PDCD6IP: variants seen among roughly 807,000 people sequenced by gnomAD.
PDCD6IP encodes the protein programmed cell death 6-interacting protein.
A neutral mutation model predicts 103.7 loss-of-function variants in PDCD6IP; 43 were observed. The observed-to-expected ratio is 0.41, with a 90% CI of 0.32 to 0.53. PDCD6IP has a LOEUF of 0.53. Ranked by LOEUF, PDCD6IP falls within the 20% of genes least tolerant of loss-of-function variation. The probability of loss-of-function intolerance (pLI) is 0.16; values close to 1 mark genes in which losing one functional copy is unlikely to be tolerated. For missense variants in PDCD6IP, 871 were observed against 1,036.7 expected, an observed-to-expected ratio of 0.84 and a Z score of 2.20; for synonymous variants, 354 against 378.7, an observed-to-expected ratio of 0.93 and a Z score of 0.76.
At chr3:33,822,968 ATTAT>A (rs1192753736) in intron 4 of PDCD6IP, among the ~76,000 whole-genome samples, 2 of 151,964 alleles carry the variant, frequency 1.3e-5, no homozygotes, top group Non-Finnish European at 2.9e-5. Context: ...GCAGTTGTTT[ATTAT>A]TTATTCAGCT....
intron 2 of PDCD6IP, among the ~76,000 whole-genome samples, chr3:33,813,059 G>A (rs1010007787): frequency 6.6e-6 from 1 of 152,092 alleles, no homozygotes; most frequent in African/African-American, 2.4e-5. Context: ...ATATGGAAAA[G>A]TGAACAAATC....
chr3:33,803,950 G>A (rs901242779), intron 1 of PDCD6IP, among the ~76,000 whole-genome samples: 6 of 152,078 alleles, frequency 3.9e-5, no homozygotes, highest in African/African-American at 1.4e-4. Context: ...GTAAAATGAA[G>A]TTGATGGAAT....
At chr3:33,801,660 A>G (rs1209570455) in intron 1 of PDCD6IP, among the ~76,000 whole-genome samples, 1 of 152,216 alleles carries the variant, frequency 6.6e-6, no homozygotes, top group African/African-American at 2.4e-5. Context: ...AAACCCTTTT[A>G]TATGATACTT....
chr3:33,838,367 T>A, intron 9 of PDCD6IP, 40 bp downstream of exon 9: 1 of 1,545,706 alleles, frequency 6.5e-7, no homozygotes, highest in East Asian at 2.3e-5. Context: ...GTTTTCCGTT[T>A]GGTTGTTCTT....
intron 12 of PDCD6IP, among the ~76,000 whole-genome samples, chr3:33,848,858 C>G (rs1374958984): frequency 1.3e-5 from 2 of 152,038 alleles, no homozygotes; most frequent in Non-Finnish European, 2.9e-5. Flanking sequence ...ATGAGTTTTA[C>G]ATTTTTAAAA....
At position 33,864,110 on chromosome 3, in the gene PDCD6IP, C is replaced by T. The variant is rs1228604538; in HGVS notation, c.2225C>T (p.Pro742Leu). 6.2e-7 allele frequency: 1 copy of T among 1,604,062 alleles called. No individual in the cohort carries two copies. Among genetic ancestry groups the T allele is most frequent in the Admixed American group, 1.7e-5 (1 of 59,954 alleles). Reference protein sequence around the residue: ...AGGHAPTPPTPAPRTMPPTKP... With the variant: ...AGGHAPTPPTLAPRTMPPTKP... ...GGACATGCACCAACTCCTCCAACTC[C>T]AGCGCCAAGAACCATGCCGGTTAGT... Residue 742 changes from proline to leucine, a missense_variant, in exon 16 of 18, where the codon CCA (proline) becomes CTA (leucine). Physicochemically the swap from Pro to Leu is moderately conservative, Grantham distance 98. Transcript: ENST00000307296.
chr3:33,818,144 C>T (rs1475760229), intron 3 of PDCD6IP, among the ~76,000 whole-genome samples: 2 of 114,980 alleles, frequency 1.7e-5, no homozygotes, highest in Non-Finnish European at 3.2e-5. Context: ...TGCTCTGTTG[C>T]CCAGGGTGGA....
rs12495243 is a variant in PDCD6IP, at chr3:33,825,437, G to A, written c.616+97G>A. ...AATATAATATGTTCAATGTCGAGCT[G>A]TCCTTCTTGAACTTGATACATGAAT... On this transcript the variant is annotated intron_variant, in intron 5 of 17. Transcript: ENST00000307296. The A allele has an allele frequency of 3.7e-6, 4 of 1,074,254 alleles. No individual in the cohort carries two copies. In the Middle Eastern group the frequency reaches 8.0e-4, roughly 216 times the overall value. 66.5% of individuals were successfully genotyped at this position (1,074,254 alleles called of 1,614,324 possible).
chr3:33,861,597 G>A (rs1406891169), intron 15 of PDCD6IP, among the ~76,000 whole-genome samples: 2 of 152,184 alleles, frequency 1.3e-5, no homozygotes, highest in African/African-American at 4.8e-5. Flanking sequence ...CGAGGTCAAA[G>A]GATATGTGTG....
intron 1 of PDCD6IP, among the ~76,000 whole-genome samples, chr3:33,799,929 G>C (rs113518763): frequency 2.6e-5 from 4 of 151,830 alleles, no homozygotes; most frequent in Non-Finnish European, 4.4e-5. Flanking sequence ...CACCATCCTG[G>C]CTAGCACGGT....
At chr3:33,858,174 G>A (rs1697870474) in intron 15 of PDCD6IP, among the ~76,000 whole-genome samples, 1 of 152,104 alleles carries the variant, frequency 6.6e-6, no homozygotes, top group Non-Finnish European at 1.5e-5. Flanking sequence ...CCCACTTACA[G>A]TAGCAACAAA....
At chr3:33,863,799 T>C in intron 15 of PDCD6IP, 1 of 534,432 alleles carries the variant, frequency 1.9e-6, no homozygotes, top group Non-Finnish European at 3.3e-6. Flanking sequence ...TTGGATCATA[T>C]TGTAGATCTA....
chr3:33,804,461 A>G (rs993213192), intron 1 of PDCD6IP, among the ~76,000 whole-genome samples: 1 of 152,254 alleles, frequency 6.6e-6, no homozygotes, highest in Non-Finnish European at 1.5e-5. Context: ...ACTGTAGGAG[A>G]CAATGTGGAG....
intron 12 of PDCD6IP, among the ~76,000 whole-genome samples, chr3:33,850,903 T>TCCCTTCC (rs1489459675): frequency 1.3e-5 from 2 of 152,026 alleles, no homozygotes; most frequent in African/African-American, 4.8e-5. Flanking sequence ...CCTTTCTCCT[T>TCCCTTCC]CCCTTCCCCC....
At position 33,836,516 on chromosome 3, in the gene PDCD6IP, C is replaced by G. The variant is rs139678617; in HGVS notation, c.1057+250C>G. 6.3e-4 allele frequency among the ~76,000 whole-genome samples: 96 copies of G among 152,198 alleles called. No homozygotes were observed. In the East Asian group the frequency reaches 0.017, roughly 27 times the overall value. On this transcript the variant is annotated intron_variant, in intron 8 of 17. Transcript: ENST00000307296. ...TGTGTGTTTGATTAAGACTGTAGCA[C>G]TTGTCATTTTGTTAACTTTTGTTAT...
chr3:33,856,884 G>A, intron 15 of PDCD6IP, among the ~76,000 whole-genome samples: 1 of 152,032 alleles, frequency 6.6e-6, no homozygotes. Context: ...TTTATATCCA[G>A]ACTGTCTTTT....
At chr3:33,800,358 A>T (rs1290261943) in intron 1 of PDCD6IP, among the ~76,000 whole-genome samples, 2 of 152,032 alleles carry the variant, frequency 1.3e-5, no homozygotes, top group Non-Finnish European at 2.9e-5. Context: ...AGTCCATGGG[A>T]GGCTCCTGGG....
At chr3:33,853,117 G>A (rs7623342) in intron 13 of PDCD6IP, among the ~76,000 whole-genome samples, 44,732 of 151,808 alleles carry the variant, frequency 0.29, 6,838 homozygotes, top group East Asian at 0.41. Context: ...TAGAGACGGG[G>A]TTTCACCATG....
chr3:33,818,514 T>C (rs1259750037), intron 3 of PDCD6IP, among the ~76,000 whole-genome samples: 1 of 62,790 alleles, frequency 1.6e-5, no homozygotes, highest in Non-Finnish European at 3.2e-5. Flanking sequence ...GATCCCTTGC[T>C]TTTTTTTTTT....
Sources: allele counts gnomAD v4.1 joint callset (sites outside exome capture counted in the v4.1 genomes callset), GRCh38; gene constraint gnomAD v4.1.1; transcripts MANE v1.5; gene names NCBI Gene and HGNC (gene_info 2026-07-23, HGNC 2026-07-21).